The following DYNC1I1 variants were observed in gnomAD, a reference collection of about 807,000 sequenced individuals.
The protein encoded by DYNC1I1 is dynein cytoplasmic 1 intermediate chain 1, also known as cytoplasmic dynein 1 intermediate chain 1.
A neutral mutation model predicts 86.6 loss-of-function variants in DYNC1I1; 43 were observed. That is an observed-to-expected ratio of 0.50 (90% confidence interval 0.39 to 0.64). The LOEUF (loss-of-function observed/expected upper bound fraction) is 0.64, where lower values mean the gene tolerates loss of function less well. Ranked by LOEUF, DYNC1I1 falls within the 30% of genes least tolerant of loss-of-function variation. The pLI is 0.00. For synonymous variants in DYNC1I1, 262 were observed against 283.7 expected (o/e 0.92, Z 0.77); for missense variants, 604 against 788.8 (o/e 0.77, Z 2.81).
chr7:95,961,429 A>G (rs1193337018), intron 6 of DYNC1I1, among the ~76,000 whole-genome samples: 1 of 152,214 alleles, frequency 6.6e-6, no homozygotes, highest in Non-Finnish European at 1.5e-5. Context: ...TTTTTTATTT[A>G]ATTTGCTGAA....
chr7:96,109,865 T>C (rs1453267158), intron 16 of DYNC1I1: 2 of 189,368 alleles, frequency 1.1e-5, no homozygotes, highest in Non-Finnish European at 2.2e-5. Context: ...TTTGCTGTTG[T>C]AGGGTGGAGT....
downstream of DYNC1I1, among the ~76,000 whole-genome samples, chr7:96,103,392 G>A (rs1011705848): frequency 6.6e-6 from 1 of 152,158 alleles, no homozygotes; most frequent in African/African-American, 2.4e-5. Context: ...ATCCATATTA[G>A]CAATCTAACC....
intron 1 of DYNC1I1, among the ~76,000 whole-genome samples, chr7:95,781,180 A>G (rs574140100): frequency 2.0e-5 from 3 of 152,210 alleles, no homozygotes; most frequent in Non-Finnish European, 2.9e-5. Context: ...AAATCTCCCA[A>G]TGCAAATATG....
At chr7:96,065,378 C>CTTTTTTTTTTTTTTTTTTT (rs34423655) in intron 14 of DYNC1I1, among the ~76,000 whole-genome samples, 3 of 127,584 alleles carry the variant, frequency 2.4e-5, no homozygotes, top group Admixed American at 8.5e-5. Flanking sequence ...TTCTTTCTTT[C>CTTTTTTTTTTTTTTTTTTT]TTTTTTTTTT....
chr7:96,087,245 A>G (rs1422567926), intron 16 of DYNC1I1, among the ~76,000 whole-genome samples: 1 of 152,242 alleles, frequency 6.6e-6, no homozygotes, highest in African/African-American at 2.4e-5. Context: ...CACAAAATTG[A>G]AAAGTTAAAC....
In DYNC1I1 at chr7:95,912,697, G is replaced by A. The variant is rs756444311; in HGVS notation, c.490+42699G>A. On this transcript the variant is annotated intron_variant, in intron 6 of 16. Transcript: ENST00000447467. The stretch of plus-strand genomic sequence containing the variant: ...CAACATGCCAGGCAGCTTTGGAGGC[G>A]GGAGGAGGAAAGGCAATCTGTTTGT... Among the ~76,000 whole-genome samples, 7 of 152,238 alleles carry A rather than the reference G, an allele frequency of 4.6e-5. No individual in the cohort carries two copies. In the Middle Eastern group the frequency reaches 0.01, roughly 223 times the overall value.
intron 8 of DYNC1I1, among the ~76,000 whole-genome samples, chr7:95,986,033 TG>T (rs1182609993): frequency 1.8e-5 from 2 of 113,144 alleles, no homozygotes; most frequent in Admixed American, 8.7e-5. Context: ...CGTGTGTGTG[TG>T]TGTGTGTGTG....
At chr7:95,950,992 T>A (rs946730234) in intron 6 of DYNC1I1, among the ~76,000 whole-genome samples, 1 of 152,172 alleles carries the variant, frequency 6.6e-6, no homozygotes, top group African/African-American at 2.4e-5. Context: ...AAAATGAAAT[T>A]GTCTGAGCCA....
At chr7:95,813,824 G>A (rs191190497) in intron 4 of DYNC1I1, among the ~76,000 whole-genome samples, 19 of 152,188 alleles carry the variant, frequency 1.2e-4, no homozygotes, top group African/African-American at 4.6e-4. Context: ...TATTTTTATT[G>A]TATTATTATT....
intron 6 of DYNC1I1, among the ~76,000 whole-genome samples, chr7:95,888,570 C>T (rs143593636): frequency 1.5e-3 from 227 of 152,168 alleles, no homozygotes; most frequent in Non-Finnish European, 2.6e-3. Flanking sequence ...GAAAAGTGCT[C>T]ATATGCATGT....
At chr7:96,090,498 G>A (rs1055857518) in intron 16 of DYNC1I1, among the ~76,000 whole-genome samples, 1 of 147,520 alleles carries the variant, frequency 6.8e-6, no homozygotes, top group Non-Finnish European at 1.5e-5. Context: ...AGGTGGTAAT[G>A]GATTTTTTAA....
chr7:96,093,286 A>G (rs1257907200), intron 16 of DYNC1I1, among the ~76,000 whole-genome samples: 1 of 152,140 alleles, frequency 6.6e-6, no homozygotes, highest in Non-Finnish European at 1.5e-5. Context: ...TGGGTCAGAT[A>G]TCATCATCCT....
chr7:95,884,467 A>G (rs919560149), intron 6 of DYNC1I1, among the ~76,000 whole-genome samples: 11 of 151,754 alleles, frequency 7.2e-5, no homozygotes, highest in African/African-American at 2.7e-4. Context: ...CAGTGGCATG[A>G]TCATAGCTCA....
chr7:95,899,211 T>A (rs1466420378), intron 6 of DYNC1I1, among the ~76,000 whole-genome samples: 1 of 152,158 alleles, frequency 6.6e-6, no homozygotes, highest in African/African-American at 2.4e-5. Context: ...CCTGTAGAAT[T>A]GTAAAATGTC....
chr7:95,903,298 G>C (rs1791087590), intron 6 of DYNC1I1, among the ~76,000 whole-genome samples: 1 of 152,158 alleles, frequency 6.6e-6, no homozygotes, highest in South Asian at 2.1e-4. Flanking sequence ...CTTCTCCAAA[G>C]TGTTTTGTGC....
Position 95,938,838 on chromosome 7 carries a change from T to A in DYNC1I1, c.491-38674T>A, listed in dbSNP as rs1474198796. Among the ~76,000 whole-genome samples the A allele has an allele frequency of 2.8e-4, 42 of 152,148 alleles. 1 individual carries two copies. Among genetic ancestry groups the A allele is most frequent in the Admixed American group, 2.8e-3 (42 of 15,264 alleles). On this transcript the variant is annotated intron_variant, in intron 6 of 16. Transcript: ENST00000447467. ...GTGACACAAGTAAAAATATTAGCAA[T>A]GGATCACCTTATTTATTTTTAATAA...
At chr7:95,910,727 G>A (rs1206289289) in intron 6 of DYNC1I1, among the ~76,000 whole-genome samples, 1 of 152,186 alleles carries the variant, frequency 6.6e-6, no homozygotes, top group African/African-American at 2.4e-5. Context: ...TCCTATTGCT[G>A]TCACTTATTA....
intron 13 of DYNC1I1, among the ~76,000 whole-genome samples, chr7:96,037,878 C>A (rs1788908935): frequency 6.6e-6 from 1 of 152,106 alleles, no homozygotes; most frequent in African/African-American, 2.4e-5. Context: ...GCTTTGTAGT[C>A]ATTCTAAATG....
At chr7:96,058,244 A>C (rs988552816) in intron 14 of DYNC1I1, among the ~76,000 whole-genome samples, 1 of 152,212 alleles carries the variant, frequency 6.6e-6, no homozygotes, top group African/African-American at 2.4e-5. Flanking sequence ...ACCAGCATTC[A>C]TGGAGAACGT....
Sources: gnomAD v4.1 joint callset for allele counts (sites outside exome capture counted in the v4.1 genomes callset) on GRCh38, gnomAD v4.1.1 for gene constraint, MANE v1.5 for transcripts, NCBI Gene and HGNC (gene_info 2026-07-23, HGNC 2026-07-21) for gene names.